THAP12: variants seen among roughly 807,000 people sequenced by gnomAD.
THAP12 encodes 52 kDa repressor of the inhibitor of the protein kinase.
A neutral mutation model predicts 63.0 loss-of-function variants in THAP12; 20 were observed. The observed-to-expected ratio is 0.32, with a 90% CI of 0.22 to 0.46. The LOEUF is 0.46. Ranked by LOEUF, THAP12 falls within the 20% of genes least tolerant of loss-of-function variation. The pLI is 1.00. For missense variants in THAP12, 568 were observed against 908.2 expected (o/e 0.63, Z 4.81); for synonymous variants, 264 against 328.4 (o/e 0.80, Z 2.12).
At chr11:76,365,098 T>C (rs964900054) in intron 2 of THAP12, among the ~76,000 whole-genome samples, 4 of 151,814 alleles carry the variant, frequency 2.6e-5, no homozygotes, top group African/African-American at 9.7e-5. Flanking sequence ...CTGGCCAACA[T>C]GGAGAAATCC....
intron 1 of THAP12, among the ~76,000 whole-genome samples, chr11:76,370,470 C>T (rs1220589153): frequency 6.6e-6 from 1 of 151,688 alleles, no homozygotes; most frequent in African/African-American, 2.4e-5. Flanking sequence ...TCAAGCGATT[C>T]TCCCACCTCA....
chr11:76,376,933 T>A (rs2134518637), intron 1 of THAP12, among the ~76,000 whole-genome samples: 1 of 152,028 alleles, frequency 6.6e-6, no homozygotes, highest in South Asian at 2.1e-4. Context: ...AAAATTTGGG[T>A]AAAAGGAAGA....
chr11:76,379,492 T>C (rs1946734858), intron 1 of THAP12, among the ~76,000 whole-genome samples: 1 of 152,194 alleles, frequency 6.6e-6, no homozygotes, highest in Admixed American at 6.5e-5. Context: ...ATCTCACCTC[T>C]CTCCCAGTCC....
intron 1 of THAP12, among the ~76,000 whole-genome samples, chr11:76,370,967 G>A (rs1296018842): frequency 2.8e-4 from 43 of 150,902 alleles, no homozygotes; most frequent in Admixed American, 2.8e-3. Flanking sequence ...TTTTACCAAT[G>A]CCTCCCCTTT....
At chr11:76,370,105 A>G (rs1946660227) in intron 1 of THAP12, among the ~76,000 whole-genome samples, 1 of 152,206 alleles carries the variant, frequency 6.6e-6, no homozygotes, top group East Asian at 1.9e-4. Flanking sequence ...CTAATGTTCT[A>G]TATCTCAAAC....
At chr11:76,373,614 T>C (rs191682518) in intron 1 of THAP12, among the ~76,000 whole-genome samples, 1 of 151,622 alleles carries the variant, frequency 6.6e-6, no homozygotes, top group African/African-American at 2.4e-5. Flanking sequence ...CCCAGGTATT[T>C]GGGTGGCTGA....
chr11:76,368,416 T>A (rs993481505), intron 1 of THAP12: 3 of 152,166 alleles, frequency 2.0e-5, no homozygotes, highest in Non-Finnish European at 2.9e-5. Flanking sequence ...CCCAGTAAGT[T>A]TGTGAGAGAG....
intron 1 of THAP12, among the ~76,000 whole-genome samples, chr11:76,374,541 G>A (rs1330859416): frequency 6.6e-6 from 1 of 152,092 alleles, no homozygotes; most frequent in East Asian, 1.9e-4. Flanking sequence ...CCTTGAAGTG[G>A]CAGGCTTGTT....
At position 76,351,616 on chromosome 11, in the gene THAP12, C is replaced by G; in HGVS notation, c.1534G>C (p.Gly512Arg). 6.3e-7 allele frequency: 1 copy of G among 1,584,058 alleles called. No individual in the cohort carries two copies. The highest frequency in any genetic ancestry group is 8.6e-7 in the Non-Finnish European group (1 of 1,163,126). ...GQTSDVFFAA[G>R]SLTAVLHSLN... ...GAATGCAGTACTGCAGTCAAGCTAC[C>G]GGCCGCAAAGAAGACATCAGAGGTT... is the stretch of plus-strand genomic sequence containing the variant. The change falls in exon 5 of 5, where the codon GGT becomes CGT. Residue 512 changes from glycine to arginine, a missense_variant. Physicochemically the swap from Gly to Arg is moderately radical, Grantham distance 125. Transcript: ENST00000260045.
rs577884315 is a variant in THAP12, at chr11:76,351,173, C to G, written c.1977G>C (p.Pro659=). The change falls in exon 5 of 5, where the codon CCG becomes CCC. Residue 659 remains proline (P), a synonymous_variant. Transcript: ENST00000260045. Reference sequence around the variant, plus strand: ...GGTGGAGGGCTTCATAGATGGTGGACGGAAGCTCTATATCTTTCCCCCTGT... The same window carrying G: ...GGTGGAGGGCTTCATAGATGGTGGAGGGAAGCTCTATATCTTTCCCCCTGT... ...WKHRGKDIEL[P]STIYEALHLP... 6.9e-6 allele frequency: 11 copies of G among 1,588,846 alleles called. No homozygotes were observed. The Admixed American group carries it at 1.9e-4, about 28-fold the overall frequency.
chr11:76,367,497 A>T (rs1946639785), intron 1 of THAP12, among the ~76,000 whole-genome samples: 1 of 152,158 alleles, frequency 6.6e-6, no homozygotes, highest in Admixed American at 6.5e-5. Flanking sequence ...ATCTCAGCTC[A>T]CTGCAACCTC....
intron 1 of THAP12, chr11:76,368,788 A>T (rs1368318121): frequency 6.6e-6 from 1 of 152,270 alleles, no homozygotes; most frequent in Non-Finnish European, 1.5e-5. Context: ...AGATCTAAAT[A>T]TGAAAGGTAA....
At chr11:76,363,448 A>G (rs1331150744) in intron 2 of THAP12, among the ~76,000 whole-genome samples, 1 of 152,134 alleles carries the variant, frequency 6.6e-6, no homozygotes, top group Non-Finnish European at 1.5e-5. Context: ...GGCTCAAGCA[A>G]TCCTTCAGCC....
At chr11:76,368,369 TC>T (rs1012107033) in intron 1 of THAP12, among the ~76,000 whole-genome samples, 116 of 152,314 alleles carry the variant, frequency 7.6e-4, no homozygotes, top group African/African-American at 2.5e-3. Flanking sequence ...ATGTCAATTC[TC>T]CCCAAACCCA....
chr11:76,367,763 T>A (rs1170223798), intron 1 of THAP12, among the ~76,000 whole-genome samples: 2 of 152,156 alleles, frequency 1.3e-5, no homozygotes, highest in East Asian at 1.9e-4. Flanking sequence ...ATTTTTTTTT[T>A]ATGTTTTAAC....
rs181080393 is a variant in THAP12 at position 76,357,696 on chromosome 11, A to G, written c.319-2042T>C. The G allele has an allele frequency of 8.0e-4, 122 of 152,308 alleles. 1 individual carries two copies. Among genetic ancestry groups the G allele is most frequent in the African/African-American group, 2.8e-3 (117 of 41,590 alleles). The allele number at this position is 152,308 out of a possible 1,614,324, so 9.4% of individuals were successfully genotyped here. A position where few individuals can be genotyped will look rare whatever the true frequency, so the allele number is the denominator to read the frequency against. On this transcript the variant is annotated intron_variant, in intron 3 of 4. Coordinates refer to ENST00000260045, the MANE Select transcript of THAP12 (RefSeq NM_004705.4). ...CTACGTATCTCTTAATAACATTTAA[A>G]ATTTAAAATATCATATAGCAATTAA...
At chr11:76,366,482 C>T (rs1320971745) in intron 1 of THAP12, among the ~76,000 whole-genome samples, 1 of 152,214 alleles carries the variant, frequency 6.6e-6, no homozygotes, top group Admixed American at 6.5e-5. Context: ...GAGATCGAGA[C>T]CATCCTGGCT....
chr11:76,355,654 T>C lies in THAP12; in HGVS notation c.319A>G (p.Ser107Gly). ...TTCAGTGTCCTGATTTCATCTTCAC[T>C]CTAAATGTCAAGAAAAAAAAAGAAA... Reference protein sequence around the residue: ...SRHRKRIKELSEDEIRTLKQK... With the variant: ...SRHRKRIKELGEDEIRTLKQK... Residue 107 changes from serine (S) to glycine (G), a missense_variant and splice_region_variant, in exon 4 of 5, where the codon AGT becomes GGT. Transcript: ENST00000260045. The C allele has an allele frequency of 6.3e-7, 1 of 1,591,822 alleles. No individual in the cohort carries two copies. The highest frequency in any genetic ancestry group is 8.5e-7 in the Non-Finnish European group (1 of 1,170,674).
chr11:76,352,932 AC>A (rs766425374), intron 4 of THAP12, 138 bp from the exon 5 acceptor site: 949 of 985,572 alleles, frequency 9.6e-4, no homozygotes, highest in Non-Finnish European at 1.2e-3. Context: ...TAGACCACAG[AC>A]TAGGACAGAG....
Sources: allele counts gnomAD v4.1 joint callset (sites outside exome capture counted in the v4.1 genomes callset), GRCh38; gene constraint gnomAD v4.1.1; transcripts MANE v1.5; gene names NCBI Gene and HGNC (gene_info 2026-07-23, HGNC 2026-07-21).